CDH19: variants seen among roughly 807,000 people sequenced by gnomAD.
CDH19 encodes the protein cadherin-19.
Under a neutral mutation model 64.2 loss-of-function variants are expected in CDH19, and 67 were observed. The observed-to-expected ratio is 1.04, with a 90% CI of 0.86 to 1.28. CDH19 has a LOEUF of 1.28. Among genes scored for constraint, CDH19 ranks in the 50% most tolerant of loss-of-function variants. CDH19 has a pLI of 0.00. For missense variants in CDH19, 1,030 were observed against 929.0 expected (o/e 1.11, Z -1.41); for synonymous variants, 346 against 319.3 (o/e 1.08, Z -0.89).
At position 66,509,194 on chromosome 18, in the gene CDH19, T is replaced by G; in HGVS notation, c.1629A>C (p.Glu543Asp). 6.2e-7 allele frequency: 1 copy of G among 1,612,134 alleles called. No individual in the cohort carries two copies. The highest frequency in any genetic ancestry group is 8.5e-7 in the Non-Finnish European group (1 of 1,178,694). The part of the protein sequence containing the change: ...TNRTGFNLQE[E>D]PVFYISILIA... ...TTAAGATGGAGATGTAGAAGACAGG[T>G]TCTTCTTGAAGGTTAAAACCAGTTC... The change falls in exon 11 of 12, where the codon GAA (glutamate) becomes GAC (aspartate). Residue 543 changes from glutamate to aspartate, a missense_variant. Transcript: ENST00000262150.
intron 3 of CDH19, among the ~76,000 whole-genome samples, chr18:66,567,349 GA>G (rs1393156505): frequency 1.3e-5 from 2 of 151,448 alleles, no homozygotes; most frequent in Middle Eastern, 3.2e-3. Context: ...GAAAGGAGTA[GA>G]AGGTGGAGAA....
At chr18:66,602,464 T>G (rs2144652337) in intron 1 of CDH19, among the ~76,000 whole-genome samples, 1 of 152,058 alleles carries the variant, frequency 6.6e-6, no homozygotes, top group African/African-American at 2.4e-5. Context: ...AAAAATTTTT[T>G]TATGTTTCTT....
intron 1 of CDH19, among the ~76,000 whole-genome samples, chr18:66,598,359 T>C (rs949549678): frequency 3.3e-5 from 5 of 152,160 alleles, no homozygotes; most frequent in Admixed American, 1.3e-4. Context: ...TGAAGGAATA[T>C]ATAGTTCTAC....
At position 66,534,991 on chromosome 18, in the gene CDH19, T is replaced by A; in HGVS notation, c.1331A>T (p.Glu444Val). ...GATTTCAAATGAGTACTTACATTTT[T>A]CTGTGGCTGTAATACTTAGGTTGTA... The part of the protein sequence containing the change: ...AWYNLSITAT[E>V]KYNIEQISSI... Residue 444 changes from glutamate (E) to valine (V), a missense_variant, in exon 8 of 12, where the codon GAA becomes GTA. By Grantham distance (121) the Glu-to-Val change is moderately radical (BLOSUM62 -2). Coordinates refer to ENST00000262150, the MANE Select transcript of CDH19 (RefSeq NM_021153.4). 3.4e-6 allele frequency: 5 copies of A among 1,455,042 alleles called. No homozygotes were observed. Among genetic ancestry groups the A allele is most frequent in the Non-Finnish European group, 4.6e-6 (5 of 1,084,192 alleles). 90.1% of individuals were successfully genotyped at this position (1,455,042 alleles called of 1,614,324 possible). A position where few individuals can be genotyped will look rare whatever the true frequency, so the allele number is the denominator to read the frequency against.
intron 4 of CDH19, 87 bp downstream of exon 4, chr18:66,554,318 T>C: frequency 2.2e-6 from 3 of 1,377,294 alleles, no homozygotes; most frequent in Non-Finnish European, 3.0e-6. Flanking sequence ...AGGACTACTG[T>C]AAAACATGTT....
intron 1 of CDH19, among the ~76,000 whole-genome samples, chr18:66,597,626 T>A (rs1988935161): frequency 6.6e-6 from 1 of 152,122 alleles, no homozygotes; most frequent in African/African-American, 2.4e-5. Context: ...AAAGAGCTTC[T>A]GCACAGCAAA....
intron 1 of CDH19, among the ~76,000 whole-genome samples, chr18:66,574,353 T>G (rs2144587166): frequency 6.6e-6 from 1 of 151,672 alleles, no homozygotes; most frequent in East Asian, 1.9e-4. Context: ...GGACACAAAA[T>G]ATATGTTCAA....
chr18:66,543,837 T>TGC, intron 7 of CDH19, 134 bp downstream of exon 7: 1 of 631,818 alleles, frequency 1.6e-6, no homozygotes, highest in South Asian at 2.5e-5. Flanking sequence ...GAGCTGAGAT[T>TGC]GCGCCACTGT....
At chr18:66,538,304 G>C (rs1986753121) in intron 7 of CDH19, among the ~76,000 whole-genome samples, 1 of 151,970 alleles carries the variant, frequency 6.6e-6, no homozygotes, top group Non-Finnish European at 1.5e-5. Flanking sequence ...CAATTTTGGG[G>C]ATATCTCCAA....
intron 1 of CDH19, among the ~76,000 whole-genome samples, chr18:66,577,014 A>C (rs1220151826): frequency 6.6e-6 from 1 of 151,682 alleles, no homozygotes; most frequent in Non-Finnish European, 1.5e-5. Flanking sequence ...AAAAATGTGC[A>C]ATACCTCTCT....
At chr18:66,559,114 C>G (rs1423095568) in intron 3 of CDH19, among the ~76,000 whole-genome samples, 2 of 152,070 alleles carry the variant, frequency 1.3e-5, no homozygotes, top group East Asian at 1.9e-4. Flanking sequence ...AATATTATGG[C>G]TACTATTCTA....
At chr18:66,512,812 C>T (rs959831810) in intron 9 of CDH19, among the ~76,000 whole-genome samples, 1 of 151,308 alleles carries the variant, frequency 6.6e-6, no homozygotes, top group Non-Finnish European at 1.5e-5. Flanking sequence ...AGGGCAGGGG[C>T]TTGGAAACCC....
chr18:66,580,417 C>T (rs1470221504), intron 1 of CDH19, among the ~76,000 whole-genome samples: 1 of 151,972 alleles, frequency 6.6e-6, no homozygotes, highest in Admixed American at 6.6e-5. Context: ...AAGTGTTTCA[C>T]AATTACAAGG....
intron 1 of CDH19, among the ~76,000 whole-genome samples, chr18:66,584,653 C>T (rs1988523494): frequency 6.6e-6 from 1 of 152,188 alleles, no homozygotes; most frequent in African/African-American, 2.4e-5. Flanking sequence ...ACCAACCTCA[C>T]TGCTCTTTAG....
chr18:66,593,400 C>T (rs546829924), intron 1 of CDH19, among the ~76,000 whole-genome samples: 1 of 151,966 alleles, frequency 6.6e-6, no homozygotes, highest in South Asian at 2.1e-4. Context: ...TTTATTGTGT[C>T]TAAACTTAAA....
chr18:66,522,880 A>G (rs921249737), intron 9 of CDH19, among the ~76,000 whole-genome samples: 1 of 151,804 alleles, frequency 6.6e-6, no homozygotes, highest in Admixed American at 6.6e-5. Context: ...TTTGATAGAA[A>G]TAATGTTTAC....
chr18:66,585,068 G>A (rs993159311), intron 1 of CDH19, among the ~76,000 whole-genome samples: 2 of 151,894 alleles, frequency 1.3e-5, no homozygotes, highest in African/African-American at 2.4e-5. Flanking sequence ...ACGACCAACC[G>A]TTGAATACAA....
At chr18:66,592,722 C>G (rs919809022) in intron 1 of CDH19, among the ~76,000 whole-genome samples, 3 of 151,808 alleles carry the variant, frequency 2.0e-5, no homozygotes, top group African/African-American at 7.2e-5. Flanking sequence ...GAATTTCATT[C>G]TTTTCTATGG....
intron 3 of CDH19, among the ~76,000 whole-genome samples, chr18:66,561,194 A>C (rs1305603929): frequency 6.6e-6 from 1 of 152,140 alleles, no homozygotes; most frequent in Non-Finnish European, 1.5e-5. Flanking sequence ...GTACAAAGTA[A>C]ATGTTTGAAA....
Sources: allele counts gnomAD v4.1 joint callset (sites outside exome capture counted in the v4.1 genomes callset), GRCh38; gene constraint gnomAD v4.1.1; transcripts MANE v1.5; gene names NCBI Gene and HGNC (gene_info 2026-07-23, HGNC 2026-07-21).